Variants in RANBP17 observed in about 807,000 individuals in gnomAD.
The protein encoded by RANBP17 is RAN binding protein 17.
In RANBP17, 158 loss-of-function variants were observed where a neutral mutation model predicts 141.2. The observed-to-expected ratio is 1.12, with a 90% CI of 0.98 to 1.28. The LOEUF is 1.28. Ranked by LOEUF, RANBP17 falls within the 50% of genes most tolerant of loss-of-function variation. The pLI, the probability that RANBP17 is intolerant of heterozygous loss-of-function variation, is 0.00. For synonymous variants in RANBP17, 430 were observed against 450.0 expected (o/e 0.96, Z 0.56); for missense variants, 1,438 against 1,290.7 (o/e 1.11, Z -1.75).
intron 14 of RANBP17, among the ~76,000 whole-genome samples, chr5:171,162,433 G>A (rs1207204438): frequency 6.6e-6 from 1 of 152,096 alleles, no homozygotes; most frequent in Non-Finnish European, 1.5e-5. Context: ...CATGCTGGTG[G>A]AGATCCTTAG....
In RANBP17 at chr5:171,088,070, G is replaced by T. The variant is rs1352419211; in HGVS notation, c.1711-82060G>T. Among the ~76,000 whole-genome samples, 313 of 151,348 alleles carry T rather than the reference G, an allele frequency of 2.1e-3. 2 individuals are homozygous for T. Among genetic ancestry groups the T allele is most frequent in the African/African-American group, 7.2e-3 (297 of 41,166 alleles). On this transcript the variant is annotated intron_variant, in intron 14 of 27. Transcript: ENST00000523189. The stretch of plus-strand genomic sequence containing the variant: ...GTTTCTTCCTAGTCTCGATGGTCTT[G>T]ACATTTTGGCATGATTTTGCAGCGG...
chr5:170,985,210 T>C (rs1456403704), intron 14 of RANBP17, among the ~76,000 whole-genome samples: 1 of 152,122 alleles, frequency 6.6e-6, no homozygotes, highest in African/African-American at 2.4e-5. Context: ...GTTAGAAGTT[T>C]TGAACTTTGT....
At chr5:171,150,854 C>G (rs550747678) in intron 14 of RANBP17, among the ~76,000 whole-genome samples, 1 of 152,266 alleles carries the variant, frequency 6.6e-6, no homozygotes, top group East Asian at 1.9e-4. Context: ...TTGTTAAATT[C>G]CTAGCTCTTT....
chr5:171,004,545 G>A (rs112685129), intron 14 of RANBP17, among the ~76,000 whole-genome samples: 2,023 of 152,196 alleles, frequency 0.013, 48 homozygotes, highest in African/African-American at 0.043. Context: ...GGTAGCCCCC[G>A]TATCGATTAA....
chr5:170,886,619 T>C (rs2127370928), intron 3 of RANBP17, among the ~76,000 whole-genome samples: 1 of 150,276 alleles, frequency 6.7e-6, no homozygotes, highest in Admixed American at 6.7e-5. Context: ...TTTTTAAAAA[T>C]ATTTCAACAC....
chr5:170,890,208 G>T (rs1769483868), intron 3 of RANBP17, among the ~76,000 whole-genome samples: 2 of 152,048 alleles, frequency 1.3e-5, no homozygotes, highest in African/African-American at 4.8e-5. Context: ...ACATTTTCAG[G>T]ATATTAAAAA....
chr5:170,903,486 G>A (rs563823001), intron 5 of RANBP17: 17 of 170,498 alleles, frequency 1.0e-4, no homozygotes, highest in Non-Finnish European at 2.6e-5. Context: ...TTCCAGGGGA[G>A]TGAACGCTTA....
At chr5:171,149,957 A>G (rs983040724) in intron 14 of RANBP17, among the ~76,000 whole-genome samples, 2 of 152,158 alleles carry the variant, frequency 1.3e-5, no homozygotes, top group Non-Finnish European at 2.9e-5. Context: ...AGTACTAGTG[A>G]ACAGATGTGG....
intron 14 of RANBP17, among the ~76,000 whole-genome samples, chr5:171,129,542 G>C (rs1029414727): frequency 1.3e-5 from 2 of 152,234 alleles, no homozygotes; most frequent in South Asian, 4.1e-4. Flanking sequence ...CAGGCATTCT[G>C]TGCCTAGCTG....
At chr5:171,253,765 C>G (rs1765717613) in intron 24 of RANBP17, among the ~76,000 whole-genome samples, 1 of 152,090 alleles carries the variant, frequency 6.6e-6, no homozygotes, top group Non-Finnish European at 1.5e-5. Flanking sequence ...TTGTTTGTTT[C>G]TATTTTTAAG....
At chr5:171,018,386 T>C (rs2127598567) in intron 14 of RANBP17, among the ~76,000 whole-genome samples, 1 of 152,312 alleles carries the variant, frequency 6.6e-6, no homozygotes, top group East Asian at 1.9e-4. Flanking sequence ...TTCCTATCCG[T>C]GAGGATGGAA....
At chr5:171,147,478 G>A (rs1230044579) in intron 14 of RANBP17, among the ~76,000 whole-genome samples, 1 of 149,758 alleles carries the variant, frequency 6.7e-6, no homozygotes, top group Non-Finnish European at 1.5e-5. Flanking sequence ...TGCAGTGGCG[G>A]TATCTCTGCT....
intron 14 of RANBP17, among the ~76,000 whole-genome samples, chr5:171,050,718 T>G (rs534917247): frequency 6.6e-6 from 1 of 152,210 alleles, no homozygotes; most frequent in South Asian, 2.1e-4. Flanking sequence ...AAAGTAATAT[T>G]GTTACATTTA....
chr5:170,968,658 T>C (rs2127530333), intron 14 of RANBP17: 3 of 495,432 alleles, frequency 6.1e-6, no homozygotes, highest in Admixed American at 4.7e-5. Flanking sequence ...TTTTGCCTTA[T>C]TGTATTTCAA....
At chr5:170,865,219 T>C (rs1304694711) in intron 1 of RANBP17, among the ~76,000 whole-genome samples, 1 of 152,046 alleles carries the variant, frequency 6.6e-6, no homozygotes, top group Non-Finnish European at 1.5e-5. Context: ...CAAGCCACCA[T>C]GCCCTGCTAA....
chr5:170,886,651 C>CTTTTTTTTTTTTTTTTTTTTTTTTT lies in RANBP17; in HGVS notation c.256+4778_256+4779insTTTTTTTTTTTTTTTTTTTTTTTTT, dbSNP rs3080616. 5.7e-5 allele frequency among the ~76,000 whole-genome samples: 5 copies of CTTTTTTTTTTTTTTTTTTTTTTTTT among 87,860 alleles called. 2 individuals are homozygous for CTTTTTTTTTTTTTTTTTTTTTTTTT. The highest frequency in any genetic ancestry group is 8.9e-5 in the African/African-American group (2 of 22,432). 57.6% of individuals were successfully genotyped at this position (87,860 alleles called of 152,430 possible). A position where few individuals can be genotyped will look rare whatever the true frequency, so the allele number is the denominator to read the frequency against. ...ACACTACACCATTCATTTGAGGTGC[C>CTTTTTTTTTTTTTTTTTTTTTTTTT]TTTTTTTTTTTTTTTTTTTTTTTGA... On this transcript the variant is annotated intron_variant, in intron 3 of 27. Coordinates refer to ENST00000523189, the MANE Select transcript of RANBP17 (RefSeq NM_022897.5).
chr5:171,055,656 G>T (rs935989659), intron 14 of RANBP17, among the ~76,000 whole-genome samples: 2 of 151,842 alleles, frequency 1.3e-5, no homozygotes, highest in Admixed American at 6.6e-5. Context: ...TTATCTTGAG[G>T]TTCCAAGATA....
chr5:171,203,172 C>T (rs2127958020), intron 19 of RANBP17, among the ~76,000 whole-genome samples: 1 of 152,290 alleles, frequency 6.6e-6, no homozygotes, highest in African/African-American at 2.4e-5. Flanking sequence ...CTTGTGTTGA[C>T]CAACTATAGG....
intron 25 of RANBP17, among the ~76,000 whole-genome samples, chr5:171,277,578 A>G (rs1468584986): frequency 1.5e-5 from 2 of 135,908 alleles, no homozygotes; most frequent in Non-Finnish European, 3.1e-5. Context: ...AAAAAAAACC[A>G]CTAGAATCAA....
Sources: allele counts gnomAD v4.1 joint callset (sites outside exome capture counted in the v4.1 genomes callset), GRCh38; gene constraint gnomAD v4.1.1; transcripts MANE v1.5; gene names NCBI Gene and HGNC (gene_info 2026-07-23, HGNC 2026-07-21).